The following LOC122526780 variants were observed in gnomAD, a reference collection of about 807,000 sequenced individuals.
At chr17:6,640,125 C>G in the LOC122526780 span, 1 of 152,616 alleles carries the variant, frequency 6.6e-6, no homozygotes, top group African/African-American at 2.4e-5. Flanking sequence ...CACAGCGCGT[C>G]TCCCACTCCG....
At chr17:6,637,261 A>T in the LOC122526780 span, 1 of 152,342 alleles carries the variant, frequency 6.6e-6, no homozygotes, top group Non-Finnish European at 1.5e-5. Context: ...AGCTGCAAGC[A>T]CCCCCAGAGG....
the LOC122526780 span, chr17:6,639,828 A>G: frequency 1.2e-3 from 184 of 152,880 alleles, no homozygotes; most frequent in Non-Finnish European, 2.1e-3. This position sits in a 1 kb window ranked among gnomAD's most constrained non-coding sequence, Gnocchi z 4.3. Context: ...GAATGCTCTC[A>G]TGGCCCAGAG....
the LOC122526780 span, chr17:6,640,122 CG>C: frequency 6.6e-6 from 1 of 152,618 alleles, no homozygotes; most frequent in Admixed American, 6.5e-5. Flanking sequence ...TCACACAGCG[CG>C]TCTCCCACTC....
At chr17:6,639,276 C>G in the LOC122526780 span, 1 of 152,314 alleles carries the variant, frequency 6.6e-6, no homozygotes, top group Non-Finnish European at 1.5e-5. This position sits in a 1 kb window ranked among gnomAD's most constrained non-coding sequence, Gnocchi z 4.3. Flanking sequence ...CAGGAATCTG[C>G]GGGGACTGTC....
At chr17:6,637,314 CCTT>C in the LOC122526780 span, 5 of 152,314 alleles carry the variant, frequency 3.3e-5, no homozygotes, top group African/African-American at 1.2e-4. Flanking sequence ...CACCGTGTCT[CCTT>C]CTCCACAGGC....
chr17:6,638,279 CCA>C, the LOC122526780 span: 1 of 152,964 alleles, frequency 6.5e-6, no homozygotes, highest in East Asian at 1.9e-4. Context: ...CCCCCCGAAG[CCA>C]CAGATATTCT....
the LOC122526780 span, chr17:6,637,220 C>G: frequency 2.0e-5 from 3 of 152,552 alleles, no homozygotes; most frequent in Admixed American, 2.0e-4. Flanking sequence ...CACACCGCAG[C>G]AGGCGCACGC....
chr17:6,637,160 T>A, the LOC122526780 span: 3 of 152,362 alleles, frequency 2.0e-5, no homozygotes, highest in Non-Finnish European at 4.4e-5. Flanking sequence ...CTCAGCACGG[T>A]CAGACCTGAG....
the LOC122526780 span, chr17:6,637,804 G>C: frequency 7.2e-5 from 11 of 152,530 alleles, no homozygotes; most frequent in African/African-American, 2.7e-4. Flanking sequence ...CACAGGCCTA[G>C]GCACCCTGGG....
the LOC122526780 span, chr17:6,637,750 A>T: frequency 6.6e-6 from 1 of 152,152 alleles, no homozygotes; most frequent in African/African-American, 2.4e-5. Context: ...AGGTCCGCCC[A>T]CTGTCTCTCT....
At chr17:6,639,269 G>C in the LOC122526780 span, 1 of 152,150 alleles carries the variant, frequency 6.6e-6, no homozygotes, top group Non-Finnish European at 1.5e-5. The surrounding 1 kb of genome is among the most constrained non-coding windows in gnomAD (Gnocchi z 4.3). Context: ...AGAGCCCCAG[G>C]AATCTGCGGG....
chr17:6,638,890 C>G, the LOC122526780 span: 1 of 153,520 alleles, frequency 6.5e-6, no homozygotes, highest in Non-Finnish European at 1.4e-5. Context: ...CCCCCACAGG[C>G]CTGGGGCACC....
At chr17:6,639,411 G>A in the LOC122526780 span, 2 of 152,246 alleles carry the variant, frequency 1.3e-5, no homozygotes, top group Non-Finnish European at 2.9e-5. This position sits in a 1 kb window ranked among gnomAD's most constrained non-coding sequence, Gnocchi z 4.3. Context: ...TTTCACAAGG[G>A]CCTGAGACAA....
chr17:6,636,961 G>A, the LOC122526780 span: 6 of 152,254 alleles, frequency 3.9e-5, no homozygotes, highest in Non-Finnish European at 8.8e-5. Flanking sequence ...AGCTGTTCTT[G>A]TCCCTGACAT....
the LOC122526780 span, chr17:6,639,919 G>C: frequency 1.3e-5 from 2 of 153,360 alleles, no homozygotes; most frequent in Admixed American, 6.5e-5. The surrounding 1 kb of genome is among the most constrained non-coding windows in gnomAD (Gnocchi z 4.3). Context: ...CACCCACACA[G>C]CCCCGGCAAG....
the LOC122526780 span, chr17:6,639,481 T>G: frequency 6.6e-6 from 1 of 152,626 alleles, no homozygotes; most frequent in Non-Finnish European, 1.5e-5. The surrounding 1 kb of genome is among the most constrained non-coding windows in gnomAD (Gnocchi z 4.3). Flanking sequence ...CCTCCACAGG[T>G]GCGGGGCCAT....
the LOC122526780 span, chr17:6,637,862 T>C: frequency 6.5e-6 from 1 of 152,820 alleles, no homozygotes; most frequent in Non-Finnish European, 1.5e-5. Flanking sequence ...GTGCCAGGCA[T>C]TCCTGCAGTT....
the LOC122526780 span, chr17:6,639,031 C>A: frequency 6.5e-6 from 1 of 153,170 alleles, no homozygotes; most frequent in Non-Finnish European, 1.5e-5. This position sits in a 1 kb window ranked among gnomAD's most constrained non-coding sequence, Gnocchi z 4.3. Context: ...CCCTGGGTCA[C>A]CTCCACATCT....
the LOC122526780 span, chr17:6,638,405 C>T: frequency 0.17 from 25,546 of 153,108 alleles, 2,624 homozygotes; most frequent in African/African-American, 0.28. Flanking sequence ...TTTCCAGAGC[C>T]GGGCACACCC....
Sources: gnomAD v4.1 joint callset for allele counts on GRCh38, gnomAD v4.1.1 for gene constraint, Gnocchi (gnomAD v3.1) non-coding constraint, MANE v1.5 for transcripts.